Variants in EIF2AK1 observed in about 807,000 individuals in gnomAD.
EIF2AK1 encodes eukaryotic translation initiation factor 2 alpha kinase 1.
In EIF2AK1, 54 loss-of-function variants were observed where a neutral mutation model predicts 77.9. That is an observed-to-expected ratio of 0.69 (90% CI 0.56 to 0.87). The LOEUF (loss-of-function observed/expected upper bound fraction) is 0.87, where lower values mean the gene tolerates loss of function less well. Among genes scored for constraint, EIF2AK1 ranks in the 40% least tolerant of loss-of-function variants. The probability of loss-of-function intolerance (pLI) is 0.00; values close to 1 mark genes in which losing one functional copy is unlikely to be tolerated. For missense variants in EIF2AK1, 810 were observed against 768.6 expected (o/e 1.05, Z -0.64); for synonymous variants, 314 against 290.5 (o/e 1.08, Z -0.82).
In EIF2AK1 at chr7:6,035,250, GCATCCCACCA is replaced by G. The variant is rs1413712334; in HGVS notation, c.1332+2164_1332+2173del. Among the ~76,000 whole-genome samples, 1 of 152,056 alleles carries G rather than the reference GCATCCCACCA, an allele frequency of 6.6e-6. No homozygotes were observed. The highest frequency in any genetic ancestry group is 2.4e-5 in the African/African-American group (1 of 41,408). On this transcript the variant is annotated intron_variant, in intron 11 of 14. Transcript: ENST00000199389. This position sits in a 1 kb window ranked among gnomAD's most constrained non-coding sequence, Gnocchi z 5.5. The stretch of plus-strand genomic sequence containing the variant: ...AAGCTAGGCCCCATCACGTAGTGAT[GCATCCCACCA>G]CATCCCACGAAAAACCCTGGGATAG...
At chr7:6,037,850 T>C (rs966555586) in intron 10 of EIF2AK1, among the ~76,000 whole-genome samples, 1 of 151,658 alleles carries the variant, frequency 6.6e-6, no homozygotes, top group South Asian at 2.1e-4. Context: ...CTAGAGTCGA[T>C]AAAGTTTAAG....
At chr7:6,042,828 T>C in intron 8 of EIF2AK1, 105 bp downstream of exon 8, 1 of 892,802 alleles carries the variant, frequency 1.1e-6, no homozygotes, top group Non-Finnish European at 1.8e-6. Flanking sequence ...ATTGTGCCAC[T>C]GCACTCTAGT....
intron 9 of EIF2AK1, 151 bp downstream of exon 9, chr7:6,040,741 C>G (rs557034980): frequency 1.5e-6 from 1 of 688,990 alleles, no homozygotes; most frequent in Non-Finnish European, 2.4e-6. Flanking sequence ...GAGAACCAAA[C>G]GCAAAGGCCC....
At chr7:6,050,096 G>T (rs764036555) in intron 2 of EIF2AK1, 51 bp from the exon 3 acceptor site, 18 of 1,507,224 alleles carry the variant, frequency 1.2e-5, no homozygotes, top group Non-Finnish European at 6.3e-6. Context: ...TAATAAAATG[G>T]CAATTTTAAA....
Position 6,024,192 on chromosome 7 carries a change from AG to A in EIF2AK1, c.*480del, listed in dbSNP as rs1183840386. The A allele has an allele frequency of 7.2e-6, 9 of 1,251,054 alleles. No homozygotes were observed. The East Asian group carries it at 5.1e-4, about 71-fold the overall frequency. The allele number at this position is 1,251,054 out of a possible 1,614,324, so 77.5% of individuals were successfully genotyped here. ...TTAAGAAGTTGAGCTTTTATCTTAGAGGCAGCAGAAGGTTTGGAGCCAAGGA... is the reference window on the plus strand; with the variant it reads ...TTAAGAAGTTGAGCTTTTATCTTAGAGCAGCAGAAGGTTTGGAGCCAAGGA... On this transcript the variant is annotated 3_prime_UTR_variant, in exon 15 of 15. Transcript: ENST00000199389.
intron 1 of EIF2AK1, among the ~76,000 whole-genome samples, chr7:6,054,930 G>A (rs1788707496): frequency 6.6e-6 from 1 of 152,146 alleles, no homozygotes; most frequent in Non-Finnish European, 1.5e-5. Flanking sequence ...GTGAGACAGA[G>A]GAGAAACAGT....
chr7:6,035,568 A>C lies in EIF2AK1; in HGVS notation c.1332+1856T>G. The C allele has an allele frequency of 6.4e-7, 1 of 1,551,218 alleles. No homozygotes were observed. Among genetic ancestry groups the C allele is most frequent in the Non-Finnish European group, 8.7e-7 (1 of 1,147,128 alleles). ...GACAGACATTCAGAATAGCAGCATCACATGTCTCCGCATCTTGTGTGCGCA... is the reference window on the plus strand; with the variant it reads ...GACAGACATTCAGAATAGCAGCATCCCATGTCTCCGCATCTTGTGTGCGCA... On this transcript the variant is annotated intron_variant, in intron 11 of 14. Coordinates refer to ENST00000199389, the MANE Select transcript of EIF2AK1 (RefSeq NM_014413.4). This position sits in a 1 kb window ranked among gnomAD's most constrained non-coding sequence, Gnocchi z 5.5.
chr7:6,038,285 A>G (rs548084566), intron 10 of EIF2AK1, among the ~76,000 whole-genome samples: 10 of 152,144 alleles, frequency 6.6e-5, no homozygotes, highest in Non-Finnish European at 1.3e-4. Context: ...GTTTTTCAAA[A>G]TCAGCCAGAC....
intron 11 of EIF2AK1, among the ~76,000 whole-genome samples, chr7:6,030,386 C>G (rs999724285): frequency 1.3e-5 from 2 of 152,194 alleles, no homozygotes; most frequent in African/African-American, 4.8e-5. Context: ...TACCTGCCTA[C>G]CAGACACGTG....
chr7:6,031,882 T>C (rs547958810), intron 11 of EIF2AK1, among the ~76,000 whole-genome samples: 2 of 152,322 alleles, frequency 1.3e-5, no homozygotes, highest in Admixed American at 6.5e-5. Flanking sequence ...AATTAGTTTT[T>C]CCCTTTTTTG....
intron 6 of EIF2AK1, among the ~76,000 whole-genome samples, chr7:6,044,897 T>C (rs934918448): frequency 6.6e-6 from 1 of 152,186 alleles, no homozygotes; most frequent in Non-Finnish European, 1.5e-5. Context: ...TCTGTCCAAC[T>C]ATTGAGTAAT....
intron 4 of EIF2AK1, 95 bp from the exon 5 acceptor site, chr7:6,047,186 C>G (rs952234910): frequency 8.2e-7 from 1 of 1,222,178 alleles, no homozygotes; most frequent in South Asian, 1.2e-5. Flanking sequence ...CCTCACAAAC[C>G]TCATGTATCA....
Position 6,042,864 on chromosome 7 carries a change from G to A in EIF2AK1, c.791+69C>T, listed in dbSNP as rs541412445. Reference sequence around the variant, plus strand: ...CTGGGTGACAGAGCGAGACTCTGTCGCCAAAAAAAAGAACAAAAGCCCAAT... The same window carrying A: ...CTGGGTGACAGAGCGAGACTCTGTCACCAAAAAAAAGAACAAAAGCCCAAT... On this transcript the variant is annotated intron_variant, in intron 8 of 14. Coordinates refer to ENST00000199389, the MANE Select transcript of EIF2AK1 (RefSeq NM_014413.4). The A allele has an allele frequency of 1.1e-4, 151 of 1,387,372 alleles. No individual in the cohort carries two copies. In the African/African-American group the frequency reaches 1.5e-3, roughly 14 times the overall value. 85.9% of individuals were successfully genotyped at this position (1,387,372 alleles called of 1,614,324 possible). A position where few individuals can be genotyped will look rare whatever the true frequency, so the allele number is the denominator to read the frequency against.
Position 6,023,531 on chromosome 7 carries a change from G to A in EIF2AK1, c.*1142C>T. On this transcript the variant is annotated 3_prime_UTR_variant, in exon 15 of 15. Transcript: ENST00000199389. ...AACTCTGCTCTTGGGAAGAGCCCTTGGCTCGCTGGGAATGAACTCACCGTA... is the reference window on the plus strand; with the variant it reads ...AACTCTGCTCTTGGGAAGAGCCCTTAGCTCGCTGGGAATGAACTCACCGTA... 1.9e-6 allele frequency: 3 copies of A among 1,614,232 alleles called. No homozygotes were observed. Among genetic ancestry groups the A allele is most frequent in the Non-Finnish European group, 1.7e-6 (2 of 1,180,040 alleles).
intron 11 of EIF2AK1, among the ~76,000 whole-genome samples, chr7:6,030,451 G>A (rs115577666): frequency 6.6e-6 from 1 of 152,148 alleles, no homozygotes; most frequent in Non-Finnish European, 1.5e-5. Flanking sequence ...GTGCCTCTAA[G>A]TTCACTCTTT....
chr7:6,046,998 T>G lies in EIF2AK1; in HGVS notation c.543A>C (p.Val181=), dbSNP rs892578095. The part of the protein sequence containing the change: ...AILGKGGYGR[V]YKVRNKLDGQ... ...CAAGTACGTGGAAGACAACCTTGTATACTCTTCCGTATCCACCTTTTCCTA... is the reference window on the plus strand; with the variant it reads ...CAAGTACGTGGAAGACAACCTTGTAGACTCTTCCGTATCCACCTTTTCCTA... The change falls in exon 5 of 15, where the codon GTA becomes GTC. Residue 181 remains valine, a synonymous_variant. Coordinates refer to ENST00000199389, the MANE Select transcript of EIF2AK1 (RefSeq NM_014413.4). 6 of 1,611,660 alleles carry G rather than the reference T, an allele frequency of 3.7e-6. No individual in the cohort carries two copies. The highest frequency in any genetic ancestry group is 5.1e-6 in the Non-Finnish European group (6 of 1,179,358).
chr7:6,045,738 T>C (rs1583492430), intron 6 of EIF2AK1, among the ~76,000 whole-genome samples: 1 of 147,368 alleles, frequency 6.8e-6, no homozygotes, highest in African/African-American at 2.5e-5. Context: ...AAAAATTATA[T>C]ATATATATAT....
Position 6,022,905 on chromosome 7 carries a change from T to G in EIF2AK1, c.*1768A>C. On this transcript the variant is annotated 3_prime_UTR_variant, in exon 15 of 15. Coordinates refer to ENST00000199389, the MANE Select transcript of EIF2AK1 (RefSeq NM_014413.4). ...TTATGTTGATATGGAGATAAGCGAG[T>G]TCATGTCATTCATATCTTAATTGCC... 5.4e-6 allele frequency: 1 copy of G among 185,516 alleles called. No homozygotes were observed. The highest frequency in any genetic ancestry group is 1.5e-4 in the East Asian group (1 of 6,822). 11.5% of individuals were successfully genotyped at this position (185,516 alleles called of 1,614,324 possible). A position where few individuals can be genotyped will look rare whatever the true frequency, so the allele number is the denominator to read the frequency against.
Position 6,024,203 on chromosome 7 carries a change from G to A in EIF2AK1, c.*470C>T. On this transcript the variant is annotated 3_prime_UTR_variant, in exon 15 of 15. Coordinates refer to ENST00000199389, the MANE Select transcript of EIF2AK1 (RefSeq NM_014413.4). ...AGCTTTTATCTTAGAGGCAGCAGAA[G>A]GTTTGGAGCCAAGGAATGAAATGAT... 1 of 1,240,846 alleles carries A rather than the reference G, an allele frequency of 8.1e-7. No homozygotes were observed. The highest frequency in any genetic ancestry group is 1.0e-6 in the Non-Finnish European group (1 of 965,436). The allele number at this position is 1,240,846 out of a possible 1,614,324, so 76.9% of individuals were successfully genotyped here.
Sources: gnomAD v4.1 joint callset for allele counts (sites outside exome capture counted in the v4.1 genomes callset) on GRCh38, gnomAD v4.1.1 for gene constraint, Gnocchi (gnomAD v3.1) non-coding constraint, MANE v1.5 for transcripts, NCBI Gene and HGNC (gene_info 2026-07-23, HGNC 2026-07-21) for gene names.